The following SKIC3 variants were observed in gnomAD, a reference collection of about 807,000 sequenced individuals.
SKIC3 encodes SKI3 subunit of superkiller complex.
At chr5:95,501,214 ATACT>A in the SKIC3 span, among the ~76,000 whole-genome samples, 4 of 152,208 alleles carry the variant, frequency 2.6e-5, no homozygotes, top group Non-Finnish European at 5.9e-5. Context: ...ACCTACTTTA[ATACT>A]TACTAATAAA....
chr5:95,480,338 A>C, the SKIC3 span, among the ~76,000 whole-genome samples: 3 of 152,180 alleles, frequency 2.0e-5, no homozygotes, highest in Non-Finnish European at 2.9e-5. Flanking sequence ...GCTCAGATTC[A>C]GGAAATATAA....
chr5:95,498,537 C>G, the SKIC3 span: 2 of 1,614,164 alleles, frequency 1.2e-6, no homozygotes, highest in Non-Finnish European at 1.7e-6. Context: ...GCATTGCCAA[C>G]CCTAGAGCAC....
the SKIC3 span, among the ~76,000 whole-genome samples, chr5:95,537,883 A>G: frequency 6.6e-6 from 1 of 152,206 alleles, no homozygotes; most frequent in Non-Finnish European, 1.5e-5. Context: ...TTTGGAAAGT[A>G]TGGTATAAAG....
the SKIC3 span, among the ~76,000 whole-genome samples, chr5:95,540,355 C>T: frequency 1.3e-5 from 2 of 151,920 alleles, no homozygotes; most frequent in African/African-American, 4.8e-5. Flanking sequence ...GTTCAGTGTA[C>T]ACTACTCGGG....
chr5:95,551,148 C>T, the SKIC3 span, among the ~76,000 whole-genome samples: 1 of 151,818 alleles, frequency 6.6e-6, no homozygotes, highest in Non-Finnish European at 1.5e-5. Flanking sequence ...CTAATGAAAA[C>T]AGAGAAATTT....
At chr5:95,546,455 G>T in the SKIC3 span, among the ~76,000 whole-genome samples, 1 of 151,566 alleles carries the variant, frequency 6.6e-6, no homozygotes, top group Non-Finnish European at 1.5e-5. Flanking sequence ...ACTTTGCCAA[G>T]AAAATAGAAG....
the SKIC3 span, among the ~76,000 whole-genome samples, chr5:95,492,652 G>GAAAAAAAAAAAAAAAA: frequency 1.6e-3 from 77 of 48,838 alleles, 28 homozygotes; most frequent in Non-Finnish European, 1.8e-3. Flanking sequence ...AAAAAAAAAA[G>GAAAAAAAAAAAAAAAA]AAAAAAAAAA....
the SKIC3 span, among the ~76,000 whole-genome samples, chr5:95,533,505 G>A: frequency 6.6e-6 from 1 of 152,090 alleles, no homozygotes; most frequent in Non-Finnish European, 1.5e-5. Context: ...TCCACCTCAA[G>A]AATACTACTT....
the SKIC3 span, chr5:95,515,200 C>A: frequency 2.6e-6 from 1 of 383,316 alleles, no homozygotes; most frequent in Non-Finnish European, 5.0e-6. Flanking sequence ...TTTAACCAAC[C>A]AATCATCCAT....
the SKIC3 span, among the ~76,000 whole-genome samples, chr5:95,511,408 G>A: frequency 1.4e-3 from 216 of 152,208 alleles, no homozygotes; most frequent in African/African-American, 5.0e-3. Flanking sequence ...GCGAGACTCC[G>A]TCTCAAAAAA....
At chr5:95,554,087 G>T in the SKIC3 span, among the ~76,000 whole-genome samples, 3 of 152,136 alleles carry the variant, frequency 2.0e-5, no homozygotes. Context: ...GAGGATTATA[G>T]AAAATATTCC....
At chr5:95,528,224 A>G in the SKIC3 span, 2 of 1,579,706 alleles carry the variant, frequency 1.3e-6, no homozygotes, top group African/African-American at 2.7e-5. Flanking sequence ...TTTAAGGATG[A>G]CATATAATAA....
the SKIC3 span, among the ~76,000 whole-genome samples, chr5:95,547,609 T>C: frequency 2.0e-5 from 3 of 152,068 alleles, no homozygotes; most frequent in African/African-American, 4.8e-5. Flanking sequence ...AGATGATCAA[T>C]TAATAAGTGT....
chr5:95,527,621 A>T, the SKIC3 span, among the ~76,000 whole-genome samples: 1 of 152,186 alleles, frequency 6.6e-6, no homozygotes, highest in African/African-American at 2.4e-5. Flanking sequence ...TTTGAATGAA[A>T]CAAATAAACA....
At chr5:95,540,630 C>T in the SKIC3 span, 1 of 1,594,620 alleles carries the variant, frequency 6.3e-7, no homozygotes. Context: ...TTTCCATTTT[C>T]TAAATTCAAT....
chr5:95,506,801 C>T, the SKIC3 span: 1 of 909,794 alleles, frequency 1.1e-6, no homozygotes. Context: ...GTTAACAGAG[C>T]CTGTTTCTAT....
the SKIC3 span, chr5:95,494,885 T>C: frequency 1.3e-6 from 2 of 1,590,818 alleles, no homozygotes; most frequent in Non-Finnish European, 1.7e-6. Flanking sequence ...ACATAATCCC[T>C]AAGACTATGA....
chr5:95,537,435 G>A, the SKIC3 span, among the ~76,000 whole-genome samples: 2 of 152,178 alleles, frequency 1.3e-5, no homozygotes, highest in African/African-American at 4.8e-5. Context: ...GTCAACCAGA[G>A]TATAGTCTTA....
chr5:95,552,640 G>A, the SKIC3 span, among the ~76,000 whole-genome samples: 1 of 152,098 alleles, frequency 6.6e-6, no homozygotes, highest in East Asian at 1.9e-4. Flanking sequence ...TTTCCAAAGA[G>A]GGCTTTCGGA....
Sources: allele counts gnomAD v4.1 joint callset (sites outside exome capture counted in the v4.1 genomes callset), GRCh38; gene constraint gnomAD v4.1.1; transcripts MANE v1.5; gene names NCBI Gene and HGNC (gene_info 2026-07-23, HGNC 2026-07-21).